The following RHBDD1 variants were observed in gnomAD, a reference collection of about 807,000 sequenced individuals.
The protein encoded by RHBDD1 is rhomboid domain containing 1, also known as rhomboid-related protein 4.
A neutral mutation model predicts 36.3 loss-of-function variants in RHBDD1; 38 were observed. The ratio of observed to expected loss-of-function variants is 1.05; its 90% CI spans 0.81 to 1.37. The LOEUF (loss-of-function observed/expected upper bound fraction) is 1.37. Ranked by LOEUF, RHBDD1 falls within the 40% of genes most tolerant of loss-of-function variation. The pLI is 0.00. For synonymous variants in RHBDD1, 151 were observed against 136.5 expected (o/e 1.11, Z -0.74); for missense variants, 393 against 377.6 (o/e 1.04, Z -0.34).
chr2:226,935,576 A>G (rs1950280769), intron 8 of RHBDD1, among the ~76,000 whole-genome samples: 2 of 152,098 alleles, frequency 1.3e-5, no homozygotes, highest in Non-Finnish European at 2.9e-5. Context: ...TCCTAGCATA[A>G]CCATTAACTA....
chr2:226,872,097 G>A (rs1204298023), intron 5 of RHBDD1, among the ~76,000 whole-genome samples: 1 of 152,196 alleles, frequency 6.6e-6, no homozygotes, highest in Non-Finnish European at 1.5e-5. Context: ...AGAGTTGGGG[G>A]TTAAGACCCC....
At chr2:226,903,742 A>G (rs1947791721) in intron 5 of RHBDD1, among the ~76,000 whole-genome samples, 1 of 152,282 alleles carries the variant, frequency 6.6e-6, no homozygotes, top group African/African-American at 2.4e-5. Context: ...GGGAACAGGC[A>G]TTCCTGTTTT....
chr2:226,950,097 G>T (rs1017249830), intron 8 of RHBDD1, among the ~76,000 whole-genome samples: 2 of 152,088 alleles, frequency 1.3e-5, no homozygotes, highest in African/African-American at 4.8e-5. Flanking sequence ...TGATTTTCAA[G>T]AATACAATAC....
chr2:226,803,709 T>C, the RHBDD1 span, among the ~76,000 whole-genome samples: 1 of 152,202 alleles, frequency 6.6e-6, no homozygotes, highest in Non-Finnish European at 1.5e-5. Flanking sequence ...ACAGTGCAAT[T>C]TGGGAATCTG....
chr2:226,888,615 T>A (rs1027370466), intron 5 of RHBDD1, among the ~76,000 whole-genome samples: 1 of 152,174 alleles, frequency 6.6e-6, no homozygotes, highest in African/African-American at 2.4e-5. Flanking sequence ...GTCTTGTTTT[T>A]TTTTTCTTTT....
intron 5 of RHBDD1, among the ~76,000 whole-genome samples, chr2:226,882,955 T>C (rs1187384956): frequency 6.6e-6 from 1 of 152,186 alleles, no homozygotes; most frequent in African/African-American, 2.4e-5. Context: ...TCCCTTCTTA[T>C]AAAGGCACTA....
intron 5 of RHBDD1, among the ~76,000 whole-genome samples, chr2:226,890,025 T>G (rs553077079): frequency 5.2e-4 from 79 of 152,248 alleles, no homozygotes; most frequent in African/African-American, 1.8e-3. Flanking sequence ...ATGGGCAGGG[T>G]GCTACCATTT....
At chr2:226,873,207 G>T (rs1437321117) in intron 5 of RHBDD1, among the ~76,000 whole-genome samples, 2 of 152,176 alleles carry the variant, frequency 1.3e-5, no homozygotes, top group African/African-American at 2.4e-5. Flanking sequence ...TTTTTGCACT[G>T]TAAAGACTGG....
the RHBDD1 span, among the ~76,000 whole-genome samples, chr2:226,825,491 GATCT>G: frequency 4.6e-5 from 7 of 152,164 alleles, no homozygotes; most frequent in East Asian, 1.9e-4. Flanking sequence ...GATTAAGAAA[GATCT>G]ATCTAAAACA....
chr2:226,945,298 A>T (rs1950908911), intron 8 of RHBDD1, among the ~76,000 whole-genome samples: 1 of 151,902 alleles, frequency 6.6e-6, no homozygotes, highest in Non-Finnish European at 1.5e-5. Context: ...TCCTAATGGT[A>T]TCCCTCCCCT....
At chr2:226,984,992 T>A (rs1345538768) in intron 8 of RHBDD1, among the ~76,000 whole-genome samples, 1 of 150,482 alleles carries the variant, frequency 6.6e-6, no homozygotes, top group African/African-American at 2.4e-5. Flanking sequence ...AAGTGGGGGG[T>A]TTGAGTGAAA....
At chr2:226,863,512 T>A (rs1944045326) in intron 3 of RHBDD1, among the ~76,000 whole-genome samples, 1 of 152,200 alleles carries the variant, frequency 6.6e-6, no homozygotes, top group Non-Finnish European at 1.5e-5. Flanking sequence ...TAGCTCACTG[T>A]TTTGTGGGTC....
At chr2:226,849,763 GTATCTA>G (rs1942618387) in intron 3 of RHBDD1, among the ~76,000 whole-genome samples, 1 of 152,054 alleles carries the variant, frequency 6.6e-6, no homozygotes, top group African/African-American at 2.4e-5. Context: ...TATATCATCT[GTATCTA>G]TATCTATATA....
chr2:226,910,146 A>G (rs60546031), intron 7 of RHBDD1, among the ~76,000 whole-genome samples: 10,255 of 152,260 alleles, frequency 0.067, 764 homozygotes, highest in African/African-American at 0.18. Context: ...GGGCAGTTCT[A>G]CTTACTGTCT....
intron 8 of RHBDD1, among the ~76,000 whole-genome samples, chr2:226,965,410 T>G (rs757658822): frequency 1.3e-5 from 2 of 152,122 alleles, no homozygotes; most frequent in African/African-American, 4.8e-5. Context: ...TAATTTGTTA[T>G]AGCAACCCTA....
chr2:226,956,066 C>G (rs1232612357), intron 8 of RHBDD1, among the ~76,000 whole-genome samples: 1 of 152,194 alleles, frequency 6.6e-6, no homozygotes, highest in East Asian at 1.9e-4. Context: ...AACCAATACA[C>G]AGAAAGATGA....
intron 8 of RHBDD1, among the ~76,000 whole-genome samples, chr2:226,977,078 G>T (rs1233894429): frequency 6.6e-6 from 1 of 152,174 alleles, no homozygotes; most frequent in Non-Finnish European, 1.5e-5. Flanking sequence ...CTGCTCTCAT[G>T]AATGCCTGTC....
At chr2:226,800,859 GGT>G in the RHBDD1 span, among the ~76,000 whole-genome samples, 1 of 152,202 alleles carries the variant, frequency 6.6e-6, no homozygotes, top group Admixed American at 6.5e-5. Flanking sequence ...ACAGGAAAAT[GGT>G]TACTTCATGA....
chr2:226,966,837 A>AT (rs56864331), intron 8 of RHBDD1, among the ~76,000 whole-genome samples: 7,255 of 147,066 alleles, frequency 0.049, 469 homozygotes, highest in African/African-American at 0.15. Context: ...ATTCTTTTTA[A>AT]TTTTTTTTTT....
Sources: gnomAD v4.1 joint callset for allele counts (sites outside exome capture counted in the v4.1 genomes callset) on GRCh38, gnomAD v4.1.1 for gene constraint, MANE v1.5 for transcripts, NCBI Gene and HGNC (gene_info 2026-07-23, HGNC 2026-07-21) for gene names.